SGCD: variants seen among roughly 807,000 people sequenced by gnomAD.
SGCD encodes delta-sarcoglycan.
SGCD carries 18 observed loss-of-function variants against 36.6 expected under a neutral mutation model. The observed-to-expected ratio is 0.49, with a 90% CI of 0.34 to 0.73. The LOEUF is 0.73. SGCD is among the 30% of genes least tolerant of loss of function. The pLI is 0.01. For synonymous variants in SGCD, 133 were observed against 130.6 expected, an observed-to-expected ratio of 1.02 and a Z score of -0.12; for missense variants, 387 against 346.7, an observed-to-expected ratio of 1.12 and a Z score of -0.92.
At chr5:156,648,511 CATT>C (rs916075263) in intron 7 of SGCD, among the ~76,000 whole-genome samples, 8 of 152,216 alleles carry the variant, frequency 5.3e-5, no homozygotes, top group African/African-American at 1.9e-4. Flanking sequence ...TGTATCACCT[CATT>C]ATAAAACCCA....
intron 3 of SGCD, among the ~76,000 whole-genome samples, chr5:156,139,240 A>C (rs894278953): frequency 6.6e-6 from 1 of 152,162 alleles, no homozygotes; most frequent in Non-Finnish European, 1.5e-5. Flanking sequence ...GTTCTACCTC[A>C]GAAATCTTTG....
chr5:156,705,454 TCTC>T lies in SGCD; in HGVS notation c.576-52123_576-52121del, dbSNP rs907538415. 4.6e-5 allele frequency among the ~76,000 whole-genome samples: 7 copies of T among 152,280 alleles called. No homozygotes were observed. The East Asian group carries it at 7.7e-4, about 17-fold the overall frequency. ...TGGTTGGTTTTGCCATTTTCTCTCTTCTCCTCTGCTGGAATATCAGCAATTGTC... is the reference window on the plus strand; with the variant it reads ...TGGTTGGTTTTGCCATTTTCTCTCTTCTCTGCTGGAATATCAGCAATTGTC... On this transcript the variant is annotated intron_variant, in intron 7 of 8. Transcript: ENST00000337851.
intron 1 of SGCD, among the ~76,000 whole-genome samples, chr5:156,072,737 G>T (rs190836661): frequency 2.0e-5 from 3 of 152,124 alleles, no homozygotes; most frequent in Admixed American, 2.0e-4. Context: ...TTCCAACTTG[G>T]TTCCATTCTC....
chr5:156,513,848 C>T (rs1561747273), intron 4 of SGCD, among the ~76,000 whole-genome samples: 1 of 152,146 alleles, frequency 6.6e-6, no homozygotes, highest in Admixed American at 6.5e-5. Flanking sequence ...AGCTTTCAGC[C>T]ACATGGATGT....
At chr5:156,401,699 G>A (rs1351662869) in intron 3 of SGCD, among the ~76,000 whole-genome samples, 1 of 152,078 alleles carries the variant, frequency 6.6e-6, no homozygotes, top group Non-Finnish European at 1.5e-5. Context: ...AACATTCATA[G>A]CCCCTACAGT....
chr5:156,262,414 G>A (rs901061809), intron 3 of SGCD, among the ~76,000 whole-genome samples: 2 of 152,124 alleles, frequency 1.3e-5, no homozygotes, highest in Admixed American at 1.3e-4. Context: ...TAGCCTAGGT[G>A]TGTATTAGGC....
chr5:156,157,058 T>C (rs1972775), intron 3 of SGCD, among the ~76,000 whole-genome samples: 83,788 of 151,334 alleles, frequency 0.55, 25,336 homozygotes, highest in East Asian at 0.94. Context: ...AGGATTTCTC[T>C]GTAAAGCAAG....
At chr5:156,200,714 A>T (rs899225866) in intron 3 of SGCD, among the ~76,000 whole-genome samples, 2 of 152,190 alleles carry the variant, frequency 1.3e-5, no homozygotes, top group African/African-American at 4.8e-5. Context: ...TTACCATGTT[A>T]TGATTCAGCA....
At chr5:156,116,957 TG>T (rs1761920459) in intron 1 of SGCD, among the ~76,000 whole-genome samples, 1 of 152,080 alleles carries the variant, frequency 6.6e-6, no homozygotes, top group African/African-American at 2.4e-5. Flanking sequence ...TCAGACTCTT[TG>T]GGTTTACTCA....
In SGCD at chr5:155,961,867, A is replaced by G. The variant is rs28698403; in HGVS notation, c.-282+91443A>G. Among the ~76,000 whole-genome samples, 291 of 152,246 alleles carry G rather than the reference A, an allele frequency of 1.9e-3. 2 individuals are homozygous for G. Among genetic ancestry groups the G allele is most frequent in the African/African-American group, 6.9e-3 (285 of 41,566 alleles). ...AAACAGAATAGTACTTGGTATGGAA[A>G]AAAGCTTTCTGCGTAGATATTTGGT... On this transcript the variant is annotated intron_variant, in intron 1 of 9. Transcript: ENST00000517913.
chr5:155,750,537 G>T, the SGCD span, among the ~76,000 whole-genome samples: 1 of 152,158 alleles, frequency 6.6e-6, no homozygotes, highest in Non-Finnish European at 1.5e-5. Context: ...ATTAGTATAT[G>T]AAGAACCAGA....
At chr5:155,866,529 A>C (rs165952), upstream of SGCD, among the ~76,000 whole-genome samples, 1 of 151,958 alleles carries the variant, frequency 6.6e-6, no homozygotes, top group Non-Finnish European at 1.5e-5. Context: ...GCTGTATGTA[A>C]TATGTGTTTT....
chr5:156,657,128 T>G (rs1763715519), intron 7 of SGCD, among the ~76,000 whole-genome samples: 1 of 152,130 alleles, frequency 6.6e-6, no homozygotes, highest in African/African-American at 2.4e-5. Context: ...AACAGTCTAT[T>G]AGAGCCTTAG....
chr5:156,287,898 CA>C lies in SGCD; in HGVS notation c.-43-41631del, dbSNP rs201476970. The stretch of plus-strand genomic sequence containing the variant: ...TGAGTGACAAAGTGAGGCTCTGTCT[CA>C]AAAACAAACAAGGCTAGAGATAGAA... On this transcript the variant is annotated intron_variant, in intron 3 of 9. Transcript: ENST00000517913. Among the ~76,000 whole-genome samples the C allele has an allele frequency of 2.6e-5, 4 of 152,060 alleles. No homozygotes were observed. In the East Asian group the frequency reaches 7.8e-4, roughly 29 times the overall value.
the SGCD span, among the ~76,000 whole-genome samples, chr5:155,779,034 G>A: frequency 1.3e-5 from 2 of 152,116 alleles, no homozygotes; most frequent in African/African-American, 2.4e-5. Context: ...ATCTCTGTTG[G>A]AATAAGACTC....
chr5:155,899,175 G>A (rs899228951), intron 1 of SGCD, among the ~76,000 whole-genome samples: 1 of 152,146 alleles, frequency 6.6e-6, no homozygotes, highest in Non-Finnish European at 1.5e-5. Context: ...AGGCCATTCT[G>A]ATCATAACTT....
intron 2 of SGCD, among the ~76,000 whole-genome samples, chr5:156,120,329 C>G (rs147356899): frequency 4.5e-4 from 69 of 152,216 alleles, no homozygotes; most frequent in African/African-American, 1.5e-3. Context: ...AATTGTCTCT[C>G]TCTATCAAGC....
chr5:156,355,985 G>C (rs1342492556), intron 3 of SGCD, among the ~76,000 whole-genome samples: 1 of 152,084 alleles, frequency 6.6e-6, no homozygotes, highest in African/African-American at 2.4e-5. Flanking sequence ...GAAGTGTGAG[G>C]GTGTGAGTGT....
intron 3 of SGCD, among the ~76,000 whole-genome samples, chr5:156,444,122 C>T (rs1561699512): frequency 1.2e-5 from 1 of 85,174 alleles, no homozygotes; most frequent in Non-Finnish European, 2.2e-5. Context: ...CTCTCCCCTT[C>T]CCTCTCTCTC....
Sources: gnomAD v4.1 joint callset for allele counts (sites outside exome capture counted in the v4.1 genomes callset) on GRCh38, gnomAD v4.1.1 for gene constraint, MANE v1.5 for transcripts, NCBI Gene and HGNC (gene_info 2026-07-23, HGNC 2026-07-21) for gene names.